Variants in OPCML observed in about 807,000 individuals in gnomAD.
The protein encoded by OPCML is opioid-binding protein/cell adhesion molecule.
A neutral mutation model predicts 37.8 loss-of-function variants in OPCML; 13 were observed. That is an observed-to-expected ratio of 0.34 (90% CI 0.22 to 0.55). The LOEUF is 0.55. Among genes scored for constraint, OPCML ranks in the 20% least tolerant of loss-of-function variants. The pLI is 0.91. For synonymous variants in OPCML, 176 were observed against 168.8 expected, an observed-to-expected ratio of 1.04 and a Z score of -0.33; for missense variants, 341 against 435.6, an observed-to-expected ratio of 0.78 and a Z score of 1.93.
chr11:133,219,780 T>C (rs1939739634), intron 1 of OPCML, among the ~76,000 whole-genome samples: 1 of 143,414 alleles, frequency 7.0e-6, no homozygotes, highest in Admixed American at 6.8e-5. Flanking sequence ...CTTGGAGACC[T>C]TTTTTATGAT....
chr11:132,633,519 C>T (rs567803662), intron 3 of OPCML, among the ~76,000 whole-genome samples: 3 of 152,272 alleles, frequency 2.0e-5, no homozygotes, highest in East Asian at 1.9e-4. Context: ...CCTCAGGATT[C>T]GACCCCACTC....
intron 1 of OPCML, among the ~76,000 whole-genome samples, chr11:132,984,453 T>C (rs1195784094): frequency 6.6e-6 from 1 of 152,222 alleles, no homozygotes; most frequent in African/African-American, 2.4e-5. Flanking sequence ...TTACAAAGTA[T>C]TGCAATATTT....
At chr11:133,448,628 T>C (rs773053936) in intron 1 of OPCML, among the ~76,000 whole-genome samples, 4 of 152,160 alleles carry the variant, frequency 2.6e-5, no homozygotes, top group Non-Finnish European at 5.9e-5. Context: ...CAGCTAATTA[T>C]TATATTTTTA....
chr11:132,950,095 G>T (rs1945826710), intron 1 of OPCML, among the ~76,000 whole-genome samples: 1 of 152,218 alleles, frequency 6.6e-6, no homozygotes, highest in Non-Finnish European at 1.5e-5. Flanking sequence ...GCTGGGCCTT[G>T]AAGGTCACAG....
At chr11:133,124,196 A>G (rs2137120818) in intron 1 of OPCML, among the ~76,000 whole-genome samples, 1 of 152,242 alleles carries the variant, frequency 6.6e-6, no homozygotes, top group South Asian at 2.1e-4. Context: ...GCATTTTAAG[A>G]AAGTGAATTT....
intron 1 of OPCML, chr11:133,066,918 A>G (rs1038087517): frequency 2.6e-5 from 4 of 152,008 alleles, no homozygotes; most frequent in Non-Finnish European, 5.9e-5. Flanking sequence ...ACCTCAGATG[A>G]TTCACCCGCC....
At chr11:132,537,028 C>G (rs2096342595) in intron 3 of OPCML, among the ~76,000 whole-genome samples, 1 of 152,076 alleles carries the variant, frequency 6.6e-6, no homozygotes, top group African/African-American at 2.4e-5. Context: ...GGTCTAAAAC[C>G]CTGGGAGCCG....
intron 3 of OPCML, among the ~76,000 whole-genome samples, chr11:132,644,274 T>C (rs1296924650): frequency 1.3e-5 from 2 of 152,178 alleles, no homozygotes; most frequent in Non-Finnish European, 2.9e-5. Flanking sequence ...GGTGACATTC[T>C]AGGAGCAGTA....
At chr11:132,488,123 C>G (rs1230614794) in intron 4 of OPCML, among the ~76,000 whole-genome samples, 4 of 152,236 alleles carry the variant, frequency 2.6e-5, no homozygotes. Context: ...ATGCTGCTCT[C>G]TGCCAGGAAA....
intron 1 of OPCML, among the ~76,000 whole-genome samples, chr11:133,089,241 A>G (rs1948867257): frequency 6.6e-6 from 1 of 152,232 alleles, no homozygotes; most frequent in Admixed American, 6.5e-5. Context: ...TGGAAATATG[A>G]CAAAAAAACA....
intron 1 of OPCML, among the ~76,000 whole-genome samples, chr11:133,433,260 A>C (rs2136921080): frequency 6.6e-6 from 1 of 150,822 alleles, no homozygotes; most frequent in South Asian, 2.1e-4. Flanking sequence ...TCAAAAAAAA[A>C]AAAAAAAAAA....
chr11:132,969,486 C>G lies in OPCML; in HGVS notation c.62-26476G>C, dbSNP rs558081371. Among the ~76,000 whole-genome samples the G allele has an allele frequency of 1.2e-4, 18 of 152,136 alleles. No homozygotes were observed. The South Asian group carries it at 3.3e-3, about 28-fold the overall frequency. The stretch of plus-strand genomic sequence containing the variant: ...ATTTTTCTATCAAGTTTTTGAAATT[C>G]TCAACTTTAAATATTTCTTCTTTCT... On this transcript the variant is annotated intron_variant, in intron 1 of 7. Coordinates refer to ENST00000524381, the MANE Select transcript of OPCML (RefSeq NM_001012393.5).
At chr11:132,856,425 C>T (rs371639727) in intron 2 of OPCML, among the ~76,000 whole-genome samples, 5 of 152,242 alleles carry the variant, frequency 3.3e-5, no homozygotes, top group East Asian at 3.9e-4. Flanking sequence ...AGAGGCCCCC[C>T]GCTCCAGGAA....
At chr11:132,782,917 G>GTGTCTA (rs376141259) in intron 2 of OPCML, among the ~76,000 whole-genome samples, 19 of 125,088 alleles carry the variant, frequency 1.5e-4, no homozygotes, top group African/African-American at 5.5e-4. Flanking sequence ...TATAGTGTGT[G>GTGTCTA]TATATATATA....
intron 3 of OPCML, among the ~76,000 whole-genome samples, chr11:132,629,322 G>C (rs1939948164): frequency 6.6e-6 from 1 of 152,280 alleles, no homozygotes; most frequent in Admixed American, 6.5e-5. Context: ...AACTTACTGA[G>C]TACAGTAGAT....
intron 1 of OPCML, among the ~76,000 whole-genome samples, chr11:133,037,400 C>T (rs1434620590): frequency 2.6e-5 from 4 of 152,134 alleles, no homozygotes; most frequent in African/African-American, 9.7e-5. Flanking sequence ...GGCTGCAGGA[C>T]CATCTGCAGA....
chr11:133,517,746 C>G (rs776663004), intron 1 of OPCML, among the ~76,000 whole-genome samples: 4 of 152,202 alleles, frequency 2.6e-5, no homozygotes, highest in Non-Finnish European at 4.4e-5. Context: ...CACATCTCAG[C>G]AAGAACAAGG....
At chr11:133,296,802 T>C (rs1450304553) in intron 1 of OPCML, among the ~76,000 whole-genome samples, 1 of 152,250 alleles carries the variant, frequency 6.6e-6, no homozygotes, top group Non-Finnish European at 1.5e-5. Flanking sequence ...ATGAAATTAT[T>C]ATAATTCACT....
chr11:133,067,999 T>G (rs999295472), intron 1 of OPCML: 4 of 152,256 alleles, frequency 2.6e-5, no homozygotes, highest in Admixed American at 2.0e-4. Context: ...ACTTGAAGTA[T>G]TTTCATGTTT....
Sources: gnomAD v4.1 joint callset for allele counts (sites outside exome capture counted in the v4.1 genomes callset) on GRCh38, gnomAD v4.1.1 for gene constraint, MANE v1.5 for transcripts, NCBI Gene and HGNC (gene_info 2026-07-23, HGNC 2026-07-21) for gene names.